The following CPNE8 variants were observed in gnomAD, a reference collection of about 807,000 sequenced individuals.
The protein encoded by CPNE8 is copine 8.
In CPNE8, 45 loss-of-function variants were observed where a neutral mutation model predicts 81.5. That is an observed-to-expected ratio of 0.55 (90% CI 0.44 to 0.71). The LOEUF is 0.71. CPNE8 is among the 30% of genes least tolerant of loss of function. The pLI, the probability that CPNE8 is intolerant of heterozygous loss-of-function variation, is 0.00. For synonymous variants in CPNE8, 252 were observed against 226.3 expected (o/e 1.11, Z -1.02); for missense variants, 594 against 672.1 (o/e 0.88, Z 1.28).
chr12:38,853,111 G>C (rs116256021), intron 3 of CPNE8, among the ~76,000 whole-genome samples: 1 of 152,092 alleles, frequency 6.6e-6, no homozygotes, highest in Admixed American at 6.5e-5. Context: ...AAATACACTG[G>C]TTATTTCCTG....
At chr12:38,886,811 G>A (rs536368714) in intron 1 of CPNE8, among the ~76,000 whole-genome samples, 51 of 152,300 alleles carry the variant, frequency 3.3e-4, no homozygotes, top group Admixed American at 2.7e-3. Flanking sequence ...GAAACTCTGA[G>A]AGGAATTTCT....
intron 6 of CPNE8, among the ~76,000 whole-genome samples, chr12:38,779,724 C>A (rs1020742050): frequency 4.6e-5 from 7 of 152,030 alleles, no homozygotes; most frequent in Admixed American, 6.6e-5. Flanking sequence ...ATGTGAAGCT[C>A]GTTTTATAAT....
At chr12:38,873,913 C>T (rs1944026043) in intron 2 of CPNE8, among the ~76,000 whole-genome samples, 2 of 152,016 alleles carry the variant, frequency 1.3e-5, no homozygotes, top group South Asian at 4.1e-4. Context: ...ACATATTTCA[C>T]TTGGTTGTAA....
At chr12:38,696,426 G>A (rs1368565835) in intron 14 of CPNE8, among the ~76,000 whole-genome samples, 1 of 151,730 alleles carries the variant, frequency 6.6e-6, no homozygotes, top group African/African-American at 2.4e-5. Context: ...CTTGAGTCTG[G>A]GACAGTGTTT....
chr12:38,850,028 A>G (rs555384280), intron 3 of CPNE8, among the ~76,000 whole-genome samples: 31 of 152,156 alleles, frequency 2.0e-4, no homozygotes, highest in Non-Finnish European at 4.1e-4. Flanking sequence ...AGAAGATACA[A>G]CAATGAGCCT....
chr12:38,685,894 A>C (rs1010888262), intron 15 of CPNE8, among the ~76,000 whole-genome samples: 3 of 152,162 alleles, frequency 2.0e-5, no homozygotes, highest in Admixed American at 2.0e-4. Context: ...TAAGAAGTTG[A>C]ACACCACAAC....
chr12:38,874,953 T>C (rs1944046436), intron 1 of CPNE8, among the ~76,000 whole-genome samples: 1 of 152,184 alleles, frequency 6.6e-6, no homozygotes, highest in Non-Finnish European at 1.5e-5. Context: ...ATAATTAGAA[T>C]ACAGTTGTGA....
At chr12:38,693,315 A>G (rs979312722) in intron 15 of CPNE8, among the ~76,000 whole-genome samples, 2 of 152,146 alleles carry the variant, frequency 1.3e-5, no homozygotes, top group African/African-American at 4.8e-5. Flanking sequence ...GCTGTCTCCC[A>G]TTATATTCTG....
At chr12:38,787,972 G>GGA (rs1942234559) in intron 6 of CPNE8, among the ~76,000 whole-genome samples, 1 of 93,822 alleles carries the variant, frequency 1.1e-5, no homozygotes, top group Non-Finnish European at 1.9e-5. Context: ...AAGTCTCCCA[G>GGA]AAAAAAAAAA....
chr12:38,802,788 G>C (rs1234598714), intron 6 of CPNE8, among the ~76,000 whole-genome samples: 10 of 139,838 alleles, frequency 7.2e-5, no homozygotes, highest in African/African-American at 2.4e-4. Context: ...AAAGAGAGAA[G>C]AATCAAATAG....
At chr12:38,798,422 A>T (rs575491013) in intron 6 of CPNE8, among the ~76,000 whole-genome samples, 2 of 152,188 alleles carry the variant, frequency 1.3e-5, no homozygotes, top group Non-Finnish European at 1.5e-5. Context: ...AGAATTTTCA[A>T]CCCAGAATTT....
rs34481283 is a variant in CPNE8 at position 38,661,897 on chromosome 12, CAA to C, written c.1507-7829_1507-7828del. On this transcript the variant is annotated intron_variant, in intron 19 of 19. Transcript: ENST00000331366. ...ATACATCATATGAACAGAATGCAAGCAAAAAAAAAAAACACATGATCTCGATA... is the reference window on the plus strand; with the variant it reads ...ATACATCATATGAACAGAATGCAAGCAAAAAAAAAACACATGATCTCGATA... 9.3e-4 allele frequency among the ~76,000 whole-genome samples: 126 copies of C among 135,126 alleles called. 1 individual carries two copies. Among genetic ancestry groups the C allele is most frequent in the Non-Finnish European group, 1.3e-3 (85 of 63,444 alleles). 88.6% of individuals were successfully genotyped at this position (135,126 alleles called of 152,430 possible).
intron 6 of CPNE8, among the ~76,000 whole-genome samples, chr12:38,791,615 A>G (rs1942325957): frequency 6.6e-6 from 1 of 151,800 alleles, no homozygotes; most frequent in Middle Eastern, 3.4e-3. Context: ...TGTGTTAACA[A>G]AAGATAATAA....
At chr12:38,851,875 C>T (rs1943652264) in intron 3 of CPNE8, among the ~76,000 whole-genome samples, 2 of 152,142 alleles carry the variant, frequency 1.3e-5, no homozygotes, top group South Asian at 4.1e-4. Context: ...TTGCTCCAGC[C>T]TCCTGGCCTT....
At position 38,762,126 on chromosome 12, in the gene CPNE8, A is replaced by G. The variant is rs140134386; in HGVS notation, c.666T>C (p.Asn222=). The change falls in exon 9 of 20, where the codon AAT becomes AAC. Residue 222 remains asparagine (N), a synonymous_variant. Transcript: ENST00000331366. ...AFKISVRALC[N]GDYDRTIKVE... is the part of the protein sequence containing the mutation. ...ATCCTTCTTACCTGTCATAGTCTCC[A>G]TTACATAATGCTCTGACTGAGATCT... The G allele has an allele frequency of 2.2e-5, 34 of 1,561,746 alleles. No homozygotes were observed. In the African/African-American group the frequency reaches 4.0e-4, roughly 18 times the overall value.
At chr12:38,755,169 C>T (rs916289013) in intron 10 of CPNE8, among the ~76,000 whole-genome samples, 2 of 152,104 alleles carry the variant, frequency 1.3e-5, no homozygotes, top group African/African-American at 4.8e-5. Flanking sequence ...ATTTTGCAGA[C>T]AAATGAAGTT....
intron 3 of CPNE8, among the ~76,000 whole-genome samples, chr12:38,872,625 G>T (rs1359728507): frequency 6.6e-6 from 1 of 152,126 alleles, no homozygotes; most frequent in Non-Finnish European, 1.5e-5. Flanking sequence ...GGCAATATTT[G>T]GTATTAAGCA....
chr12:38,871,274 T>C (rs1375157165), intron 3 of CPNE8, among the ~76,000 whole-genome samples: 1 of 152,192 alleles, frequency 6.6e-6, no homozygotes, highest in East Asian at 1.9e-4. Context: ...TCCAGTTGCC[T>C]CATTATTAGT....
intron 14 of CPNE8, among the ~76,000 whole-genome samples, chr12:38,699,504 T>C (rs1283709489): frequency 2.0e-5 from 3 of 152,220 alleles, no homozygotes; most frequent in Non-Finnish European, 4.4e-5. Flanking sequence ...CTTAGAAGTC[T>C]TTCCATATTA....
Sources: gnomAD v4.1 joint callset for allele counts (sites outside exome capture counted in the v4.1 genomes callset) on GRCh38, gnomAD v4.1.1 for gene constraint, MANE v1.5 for transcripts, NCBI Gene and HGNC (gene_info 2026-07-23, HGNC 2026-07-21) for gene names.